Variants in AP4E1 observed in about 807,000 individuals in gnomAD.
The protein encoded by AP4E1 is AP-4 complex subunit epsilon-1.
Under a neutral mutation model 128.2 loss-of-function variants are expected in AP4E1, and 56 were observed. That is an observed-to-expected ratio of 0.44 (90% CI 0.35 to 0.55). The LOEUF (loss-of-function observed/expected upper bound fraction) is 0.55. Ranked by LOEUF, AP4E1 falls within the 20% of genes least tolerant of loss-of-function variation. The probability of loss-of-function intolerance (pLI) is 0.00; values close to 1 mark genes in which losing one functional copy is unlikely to be tolerated. For missense variants in AP4E1, 1,324 were observed against 1,307.7 expected, an observed-to-expected ratio of 1.01 and a Z score of -0.19; for synonymous variants, 484 against 473.1, an observed-to-expected ratio of 1.02 and a Z score of -0.30.
rs2063825432 is a variant in AP4E1, at chr15:50,930,821, A to G, written c.719A>G (p.Tyr240Cys). The change falls in exon 7 of 21, where the codon TAT becomes TGT. Residue 240 changes from tyrosine (Y) to cysteine (C), a missense_variant. By Grantham distance (194) the Tyr-to-Cys change is radical (BLOSUM62 -2). Coordinates refer to ENST00000261842, the MANE Select transcript of AP4E1 (RefSeq NM_007347.5). ...GGGATGTAGGAGAATTCATCTGGAT[A>G]TAAAGACTTGACTGGGAGTTTTGTA... Reference protein sequence around the residue: ...LRMIKENSSGYKDLTGSFVTI... With the variant: ...LRMIKENSSGCKDLTGSFVTI... 8 of 1,614,162 alleles carry G rather than the reference A, an allele frequency of 5.0e-6. No homozygotes were observed. Among genetic ancestry groups the G allele is most frequent in the Non-Finnish European group, 6.8e-6 (8 of 1,180,000 alleles).
intron 1 of AP4E1, among the ~76,000 whole-genome samples, chr15:50,911,133 T>C (rs1249153094): frequency 6.6e-6 from 1 of 152,176 alleles, no homozygotes; most frequent in Non-Finnish European, 1.5e-5. Flanking sequence ...TGAATAGCCA[T>C]CTGATGAACA....
At chr15:50,977,642 G>T (rs894547914) in intron 15 of AP4E1, among the ~76,000 whole-genome samples, 3 of 151,388 alleles carry the variant, frequency 2.0e-5, no homozygotes, top group African/African-American at 7.3e-5. Context: ...AAAGAGTAGG[G>T]GGAAATAGGT....
At chr15:50,919,479 C>T (rs1344422858) in intron 3 of AP4E1, among the ~76,000 whole-genome samples, 2 of 151,852 alleles carry the variant, frequency 1.3e-5, no homozygotes, top group African/African-American at 4.8e-5. Context: ...TTGCGGTGAG[C>T]TGAGATCGCA....
chr15:50,966,075 G>A (rs1240390440), intron 14 of AP4E1, among the ~76,000 whole-genome samples: 1 of 151,960 alleles, frequency 6.6e-6, no homozygotes, highest in Non-Finnish European at 1.5e-5. Context: ...GCGCCACCAC[G>A]CCTGGCTAAT....
rs1283835710 is a variant in AP4E1 at position 50,958,762 on chromosome 15, C to T, written c.1819C>T (p.Leu607Phe). Residue 607 changes from leucine to phenylalanine, a missense_variant, in exon 14 of 21, where the codon CTT becomes TTT. Leu to Phe is a conservative substitution (Grantham distance 22). Transcript: ENST00000261842. ...HENVELMKSL[L>F]PVDRSCEDLV... Reference sequence around the variant, plus strand: ...GAATGTGGAACTTATGAAGAGCTTGCTTCCAGTTGACAGGAGTTGTGAAGA... The same window carrying T: ...GAATGTGGAACTTATGAAGAGCTTGTTTCCAGTTGACAGGAGTTGTGAAGA... 6.2e-7 allele frequency: 1 copy of T among 1,614,034 alleles called. No individual in the cohort carries two copies. Among genetic ancestry groups the T allele is most frequent in the African/African-American group, 1.3e-5 (1 of 74,940 alleles).
rs534710150 is a variant in AP4E1 at position 50,950,121 on chromosome 15, T to C, written c.1500T>C (p.Asp500=). 1 of 1,613,442 alleles carries C rather than the reference T, an allele frequency of 6.2e-7. No individual in the cohort carries two copies. The highest frequency in any genetic ancestry group is 1.3e-5 in the African/African-American group (1 of 75,052). ...YAVQSYLTLL[D]MENVFYPQRF... Reference sequence around the variant, plus strand: ...TTCAGTCTTATCTCACTTTACTGGATATGGAAAATGTGTTCTATCCACAGA... The same window carrying C: ...TTCAGTCTTATCTCACTTTACTGGACATGGAAAATGTGTTCTATCCACAGA... Residue 500 remains aspartate (D), a synonymous_variant, in exon 13 of 21, where the codon GAT becomes GAC. Transcript: ENST00000261842.
chr15:50,940,288 A>T (rs1327579293), intron 8 of AP4E1, among the ~76,000 whole-genome samples: 1 of 152,216 alleles, frequency 6.6e-6, no homozygotes, highest in African/African-American at 2.4e-5. Context: ...CCTTTCTTAA[A>T]GAAAAATTAA....
At chr15:50,963,727 A>G (rs554375408) in intron 14 of AP4E1, among the ~76,000 whole-genome samples, 128 of 152,334 alleles carry the variant, frequency 8.4e-4, no homozygotes, top group Non-Finnish European at 1.5e-3. Context: ...AATGTTCCCA[A>G]CACAAATGAT....
At chr15:50,948,770 T>A (rs931210109) in intron 11 of AP4E1, among the ~76,000 whole-genome samples, 7 of 151,520 alleles carry the variant, frequency 4.6e-5, no homozygotes, top group African/African-American at 1.5e-4. Context: ...GTCGGGAGTT[T>A]GAGACCAGCC....
At chr15:50,982,045 A>G (rs1257922774) in intron 15 of AP4E1, among the ~76,000 whole-genome samples, 1 of 135,188 alleles carries the variant, frequency 7.4e-6, no homozygotes, top group Non-Finnish European at 1.5e-5. Context: ...AGATCATGCC[A>G]TTGCACACCA....
chr15:50,929,304 G>GT, intron 6 of AP4E1, 136 bp downstream of exon 6: 2 of 979,238 alleles, frequency 2.0e-6, no homozygotes, highest in South Asian at 1.6e-5. Context: ...TGAATTAGTA[G>GT]TTTTGCAAGT....
At chr15:50,944,197 T>A (rs1361074300) in intron 10 of AP4E1, among the ~76,000 whole-genome samples, 1 of 152,208 alleles carries the variant, frequency 6.6e-6, no homozygotes, top group African/African-American at 2.4e-5. Flanking sequence ...AATGCTGTTG[T>A]CACTTCTAAC....
intron 8 of AP4E1, among the ~76,000 whole-genome samples, chr15:50,938,924 T>C (rs1399828364): frequency 6.6e-6 from 1 of 152,200 alleles, no homozygotes; most frequent in Non-Finnish European, 1.5e-5. Flanking sequence ...TGTCAGTAGA[T>C]ACTTATTTAA....
chr15:50,971,747 A>G (rs535834068), intron 15 of AP4E1, among the ~76,000 whole-genome samples: 3 of 151,840 alleles, frequency 2.0e-5, no homozygotes, highest in South Asian at 4.2e-4. Context: ...TCTTATGTGT[A>G]TATTTTATTT....
intron 16 of AP4E1, among the ~76,000 whole-genome samples, chr15:50,992,974 T>A (rs535438434): frequency 6.6e-6 from 1 of 152,358 alleles, no homozygotes; most frequent in South Asian, 2.1e-4. Context: ...TAGGTTTAAT[T>A]CCTTCATATT....
chr15:50,924,010 G>T lies in AP4E1; in HGVS notation c.420+6G>T, dbSNP rs1179350270. On this transcript the variant is annotated splice_donor_region_variant and intron_variant, in intron 4 of 20. Transcript: ENST00000261842. The stretch of plus-strand genomic sequence containing the variant: ...TTGTGAATACAGTTGTAAAGGTATT[G>T]TATTGTATGTTGGTTAATATGAAGT... The T allele has an allele frequency of 1.3e-6, 2 of 1,596,622 alleles. No homozygotes were observed. Among genetic ancestry groups the T allele is most frequent in the East Asian group, 2.2e-5 (1 of 44,656 alleles).
At chr15:50,999,027 A>G (rs773359428) in intron 18 of AP4E1, 45 bp from the exon 19 acceptor site, 2 of 1,569,066 alleles carry the variant, frequency 1.3e-6, no homozygotes, top group East Asian at 4.5e-5. Flanking sequence ...AATAGTCTGT[A>G]TTGATCCCTT....
chr15:50,907,511 G>A (rs2063499436), upstream of AP4E1, among the ~76,000 whole-genome samples: 1 of 151,886 alleles, frequency 6.6e-6, no homozygotes, highest in Non-Finnish European at 1.5e-5. Context: ...CCCCTTGAAG[G>A]GAGGCTATCA....
chr15:50,957,092 C>T lies in AP4E1; in HGVS notation c.1549-1400C>T, dbSNP rs531722085. On this transcript the variant is annotated intron_variant, in intron 13 of 20. Coordinates refer to ENST00000261842, the MANE Select transcript of AP4E1 (RefSeq NM_007347.5). Reference sequence around the variant, plus strand: ...CTCTTTTAGCTCTGTCATCAGCAGACGGCTTAAGTGTTAACAGCTCAGTGG... The same window carrying T: ...CTCTTTTAGCTCTGTCATCAGCAGATGGCTTAAGTGTTAACAGCTCAGTGG... 3.9e-5 allele frequency among the ~76,000 whole-genome samples: 6 copies of T among 152,254 alleles called. No individual in the cohort carries two copies. The East Asian group carries it at 7.7e-4, about 20-fold the overall frequency.
Sources: allele counts gnomAD v4.1 joint callset (sites outside exome capture counted in the v4.1 genomes callset), GRCh38; gene constraint gnomAD v4.1.1; transcripts MANE v1.5; gene names NCBI Gene and HGNC (gene_info 2026-07-23, HGNC 2026-07-21).